The following CRPPA variants were observed in gnomAD, a reference collection of about 807,000 sequenced individuals.
The protein encoded by CRPPA is D-ribitol-5-phosphate cytidylyltransferase.
In CRPPA, 43 loss-of-function variants were observed where a neutral mutation model predicts 52.0. That is an observed-to-expected ratio of 0.83 (90% confidence interval 0.65 to 1.07). The LOEUF (loss-of-function observed/expected upper bound fraction) is 1.07. CRPPA is among the 50% of genes least tolerant of loss of function. CRPPA has a pLI of 0.00. For synonymous variants in CRPPA, 250 were observed against 203.5 expected (o/e 1.23, Z -1.94); for missense variants, 629 against 551.7 (o/e 1.14, Z -1.40).
rs1192070187 is a variant in CRPPA at position 16,342,788 on chromosome 7, T to G, written c.684+33304A>C. ...CAAAAAAAAAAAAAAAAAAAATATA[T>G]ATATATATATCTATATAGATATATA... On this transcript the variant is annotated intron_variant, in intron 3 of 9. Transcript: ENST00000407010. Among the ~76,000 whole-genome samples, 12 of 61,190 alleles carry G rather than the reference T, an allele frequency of 2.0e-4. 3 individuals are homozygous for G. Among genetic ancestry groups the G allele is most frequent in the East Asian group, 1.4e-3 (4 of 2,948 alleles). The allele number at this position is 61,190 out of a possible 152,430, so 40.1% of individuals were successfully genotyped here.
At chr7:16,319,244 T>C (rs746784767) in intron 3 of CRPPA, among the ~76,000 whole-genome samples, 4 of 152,188 alleles carry the variant, frequency 2.6e-5, no homozygotes, top group Admixed American at 6.5e-5. Flanking sequence ...CACTTAGCTA[T>C]TCATTTAAAT....
intron 3 of CRPPA, among the ~76,000 whole-genome samples, chr7:16,360,838 A>G: frequency 6.6e-6 from 1 of 152,196 alleles, no homozygotes; most frequent in Non-Finnish European, 1.5e-5. Flanking sequence ...TCTTGGATAT[A>G]ACACCAAAAG....
chr7:16,189,768 TC>T (rs1357716202), intron 9 of CRPPA, among the ~76,000 whole-genome samples: 8 of 152,170 alleles, frequency 5.3e-5, no homozygotes, highest in Admixed American at 5.2e-4. Flanking sequence ...GAGGAATAGT[TC>T]TTCTGAGTGG....
chr7:16,193,734 G>A lies in CRPPA; in HGVS notation c.1251+22332C>T, dbSNP rs187090194. 8.5e-5 allele frequency among the ~76,000 whole-genome samples: 13 copies of A among 152,156 alleles called. No individual in the cohort carries two copies. The East Asian group carries it at 2.3e-3, about 27-fold the overall frequency. On this transcript the variant is annotated intron_variant, in intron 9 of 9. Coordinates refer to ENST00000407010, the MANE Select transcript of CRPPA (RefSeq NM_001101426.4). ...CACACACTCAGGCATATATATAAAA[G>A]TCTTTACAAATCAAAGAGACAGCAC...
Position 16,132,254 on chromosome 7 carries a change from G to A in CRPPA, c.1252-40455C>T, listed in dbSNP as rs1036367996. ...CTTTTCTATTATCCGCTTTCAGAGT[G>A]GTGATGTCCATCGTATGCCTGTAAC... On this transcript the variant is annotated intron_variant, in intron 9 of 9. Transcript: ENST00000407010. 2.8e-4 allele frequency among the ~76,000 whole-genome samples: 35 copies of A among 125,996 alleles called. 3 individuals are homozygous for A. The highest frequency in any genetic ancestry group is 9.0e-4 in the African/African-American group (35 of 38,786). 82.7% of individuals were successfully genotyped at this position (125,996 alleles called of 152,430 possible).
intron 6 of CRPPA, among the ~76,000 whole-genome samples, chr7:16,275,212 G>T (rs564871373): frequency 1.3e-5 from 2 of 152,232 alleles, no homozygotes; most frequent in South Asian, 4.2e-4. Context: ...ATACTTTCTG[G>T]ATACCTTAGC....
intron 4 of CRPPA, among the ~76,000 whole-genome samples, chr7:16,308,182 C>T (rs1353501413): frequency 6.6e-6 from 1 of 152,138 alleles, no homozygotes; most frequent in Non-Finnish European, 1.5e-5. Context: ...GCCTGCAGAA[C>T]CATGAGCCAA....
Position 16,258,925 on chromosome 7 carries a change from C to T in CRPPA, c.1021G>A (p.Val341Met). 6.2e-7 allele frequency: 1 copy of T among 1,605,976 alleles called. No individual in the cohort carries two copies. The highest frequency in any genetic ancestry group is 1.1e-5 in the South Asian group (1 of 89,964). ...AATCATTTGAATTGACTTACATTCA[C>T]ACAAACAAAATTGTAGCATTGATCT... ...ILDQCYNFVC[V>M]NVTTSDFQET... Residue 341 changes from valine (V) to methionine (M), a missense_variant, in exon 7 of 10, where the codon GTG becomes ATG. Transcript: ENST00000407010.
At chr7:16,153,268 C>T (rs977980360) in intron 9 of CRPPA, among the ~76,000 whole-genome samples, 19 of 151,980 alleles carry the variant, frequency 1.3e-4, no homozygotes, top group African/African-American at 4.6e-4. Flanking sequence ...ATGACATCAA[C>T]ACAACATAAA....
At chr7:16,105,520 T>C (rs554264202) in intron 9 of CRPPA, among the ~76,000 whole-genome samples, 1 of 152,136 alleles carries the variant, frequency 6.6e-6, no homozygotes, top group South Asian at 2.1e-4. Flanking sequence ...GTAGTGAAAA[T>C]GTCATGACTA....
chr7:16,292,666 T>C (rs1266929591), intron 5 of CRPPA, among the ~76,000 whole-genome samples: 1 of 151,978 alleles, frequency 6.6e-6, no homozygotes, highest in Non-Finnish European at 1.5e-5. Flanking sequence ...TTAATGTTAT[T>C]TGCAAACTAA....
intron 9 of CRPPA, among the ~76,000 whole-genome samples, chr7:16,129,007 G>C (rs1207864357): frequency 6.6e-6 from 1 of 152,076 alleles, no homozygotes; most frequent in East Asian, 1.9e-4. Context: ...AAGTATTGTA[G>C]CTAAATCCTA....
rs544062707 is a variant in CRPPA, at chr7:16,150,067, G to A, written c.1252-58268C>T. Among the ~76,000 whole-genome samples the A allele has an allele frequency of 5.3e-5, 8 of 151,370 alleles. No homozygotes were observed. The South Asian group carries it at 1.5e-3, about 28-fold the overall frequency. ...CAGCTTATTTTTTTAACCTCATTGA[G>A]ACATTATGTGTACAACGAAACTGGT... On this transcript the variant is annotated intron_variant, in intron 9 of 9. Coordinates refer to ENST00000407010, the MANE Select transcript of CRPPA (RefSeq NM_001101426.4).
intron 2 of CRPPA, among the ~76,000 whole-genome samples, chr7:16,378,739 T>A (rs1008150724): frequency 5.3e-5 from 8 of 151,472 alleles, no homozygotes; most frequent in African/African-American, 1.9e-4. Context: ...AGTGTAAAAG[T>A]GTTCCTATTT....
intron 1 of CRPPA, among the ~76,000 whole-genome samples, chr7:16,415,529 T>C (rs2128320116): frequency 6.6e-6 from 1 of 152,300 alleles, no homozygotes; most frequent in Non-Finnish European, 1.5e-5. Context: ...TGTCCCCTTT[T>C]CATTGTTCTA....
At chr7:16,378,502 G>C (rs1006232662) in intron 2 of CRPPA, among the ~76,000 whole-genome samples, 2 of 151,656 alleles carry the variant, frequency 1.3e-5, no homozygotes, top group Non-Finnish European at 2.9e-5. Context: ...TCTTAATCCA[G>C]TCTATCATTG....
rs971875725 is a variant in CRPPA, at chr7:16,195,662, T to C, written c.1251+20404A>G. Among the ~76,000 whole-genome samples, 6 of 152,180 alleles carry C rather than the reference T, an allele frequency of 3.9e-5. No homozygotes were observed. In the East Asian group the frequency reaches 9.7e-4, roughly 25 times the overall value. On this transcript the variant is annotated intron_variant, in intron 9 of 9. Coordinates refer to ENST00000407010, the MANE Select transcript of CRPPA (RefSeq NM_001101426.4). ...CTGGGGCCAGGCTGTGGCTGCTCCA[T>C]CAAAAAAAGCTTCTTTCCTTTCATA...
intron 3 of CRPPA, among the ~76,000 whole-genome samples, chr7:16,360,683 A>G (rs1786419854): frequency 6.6e-6 from 1 of 152,218 alleles, no homozygotes; most frequent in South Asian, 2.1e-4. Context: ...ATGCACATGA[A>G]TGAATTTGAA....
chr7:16,419,964 T>G (rs2128321104), intron 1 of CRPPA, among the ~76,000 whole-genome samples: 1 of 152,296 alleles, frequency 6.6e-6, no homozygotes, highest in Admixed American at 6.5e-5. Context: ...CTTTCTCCAT[T>G]GCAATTCCCC....
Sources: allele counts gnomAD v4.1 joint callset (sites outside exome capture counted in the v4.1 genomes callset), GRCh38; gene constraint gnomAD v4.1.1; transcripts MANE v1.5; gene names NCBI Gene and HGNC (gene_info 2026-07-23, HGNC 2026-07-21).